Variants in SYNJ2 observed in about 807,000 individuals in gnomAD.
SYNJ2 encodes the protein synaptojanin 2.
Under a neutral mutation model 141.3 loss-of-function variants are expected in SYNJ2, and 116 were observed. That is an observed-to-expected ratio of 0.82 (90% confidence interval 0.71 to 0.96). The LOEUF is 0.96. Ranked by LOEUF, SYNJ2 falls within the 40% of genes least tolerant of loss-of-function variation. The pLI is 0.00. For synonymous variants in SYNJ2, 745 were observed against 777.7 expected (o/e 0.96, Z 0.70); for missense variants, 1,873 against 1,934.8 (o/e 0.97, Z 0.60).
rs748366346 is a variant in SYNJ2, at chr6:158,084,767, G to A, written c.3208+593G>A. The stretch of plus-strand genomic sequence containing the variant: ...GCAGAGGCTGCAATGAGCCGAGATC[G>A]CCCCACTGCACTCCAGCTTGGGTGA... On this transcript the variant is annotated intron_variant, in intron 22 of 26. Transcript: ENST00000355585. This position sits in a 1 kb window ranked among gnomAD's most constrained non-coding sequence, Gnocchi z 5.0. 7.2e-5 allele frequency among the ~76,000 whole-genome samples: 11 copies of A among 152,002 alleles called. No individual in the cohort carries two copies. Among genetic ancestry groups the A allele is most frequent in the Non-Finnish European group, 1.3e-4 (9 of 68,016 alleles).
chr6:158,017,777 T>C (rs1236101669), intron 2 of SYNJ2: 1 of 532,624 alleles, frequency 1.9e-6, no homozygotes, highest in Admixed American at 1.9e-5. Flanking sequence ...TGCAGGAACC[T>C]GCAGGTGGGG....
intron 18 of SYNJ2, 50 bp from the exon 19 acceptor site, chr6:158,081,059 T>C (rs546975075): frequency 3.2e-6 from 5 of 1,569,250 alleles, no homozygotes; most frequent in Middle Eastern, 2.2e-4. Flanking sequence ...GCCGGGGGTG[T>C]GGACATCTGT....
chr6:158,017,876 C>T, intron 2 of SYNJ2: 1 of 464,388 alleles, frequency 2.2e-6, no homozygotes, highest in East Asian at 6.4e-5. Flanking sequence ...GCCAGAGAAG[C>T]TCGTCTTCAT....
intron 20 of SYNJ2, 30 bp from the exon 21 acceptor site, chr6:158,083,399 T>A (rs1782826654): frequency 6.2e-7 from 1 of 1,605,696 alleles, no homozygotes; most frequent in Admixed American, 1.7e-5. Context: ...GATTTTTATT[T>A]ATTCCTGGGT....
chr6:157,984,652 C>T (rs1777132418), intron 1 of SYNJ2, among the ~76,000 whole-genome samples: 1 of 152,238 alleles, frequency 6.6e-6, no homozygotes, highest in Non-Finnish European at 1.5e-5. Context: ...GATCCACCTG[C>T]TTTGGCCTCC....
intron 3 of SYNJ2, among the ~76,000 whole-genome samples, chr6:158,032,210 C>T (rs1366688501): frequency 1.3e-5 from 2 of 151,976 alleles, no homozygotes; most frequent in Non-Finnish European, 2.9e-5. Flanking sequence ...GTGCATGTGG[C>T]TTTGGTCACA....
chr6:158,015,749 G>T (rs758557129), intron 1 of SYNJ2, among the ~76,000 whole-genome samples: 9 of 152,100 alleles, frequency 5.9e-5, no homozygotes, highest in Non-Finnish European at 1.0e-4. Context: ...ATGCTGATAA[G>T]GCACATATAT....
In SYNJ2 at chr6:158,097,516, C is replaced by T. The variant is rs1179142147; in HGVS notation, c.*1152C>T. 1.3e-5 allele frequency: 2 copies of T among 152,182 alleles called. No homozygotes were observed. Among genetic ancestry groups the T allele is most frequent in the African/African-American group, 4.8e-5 (2 of 41,430 alleles). 9.4% of individuals were successfully genotyped at this position (152,182 alleles called of 1,614,324 possible). On this transcript the variant is annotated 3_prime_UTR_variant, in exon 27 of 27. Transcript: ENST00000355585. ...CCATTTGGAGCAGATACCGTGTTTT[C>T]GCTATTTAATAAGAAGTTCAGTAGT...
At chr6:158,054,119 A>T (rs1217742995) in intron 5 of SYNJ2, among the ~76,000 whole-genome samples, 1 of 148,668 alleles carries the variant, frequency 6.7e-6, no homozygotes, top group East Asian at 2.0e-4. Flanking sequence ...CTATCCATCC[A>T]CTCACCCACC....
In SYNJ2 at chr6:158,074,743, G is replaced by A. The variant is rs1782158086; in HGVS notation, c.2292+5G>A. On this transcript the variant is annotated splice_donor_5th_base_variant and intron_variant, in intron 16 of 26. Transcript: ENST00000355585. ...CTACAGAAATCAAGTGGAAAAGTAA[G>A]TTGTGCTTTAAAAACATTTTTTAGC... is the stretch of plus-strand genomic sequence containing the variant. The A allele has an allele frequency of 6.2e-7, 1 of 1,611,326 alleles. No individual in the cohort carries two copies. Among genetic ancestry groups the A allele is most frequent in the East Asian group, 2.2e-5 (1 of 44,880 alleles).
intron 2 of SYNJ2, among the ~76,000 whole-genome samples, chr6:158,026,691 G>A (rs1024010664): frequency 1.3e-5 from 2 of 152,234 alleles, no homozygotes; most frequent in African/African-American, 4.8e-5. Context: ...TGAGGAAGTG[G>A]TGCTAGAAAT....
chr6:158,064,761 G>A lies in SYNJ2; in HGVS notation c.1359+11G>A, dbSNP rs369574409. 2.9e-5 allele frequency: 46 copies of A among 1,613,024 alleles called. No homozygotes were observed. The highest frequency in any genetic ancestry group is 6.7e-5 in the East Asian group (3 of 44,858). Reference sequence around the variant, plus strand: ...GAAGGGAAGGCCAAGGTAGGGCCCCGCCGAGGGGGCAGGGTGGGGGCCCCA... The same window carrying A: ...GAAGGGAAGGCCAAGGTAGGGCCCCACCGAGGGGGCAGGGTGGGGGCCCCA... On this transcript the variant is annotated intron_variant, in intron 10 of 26. Coordinates refer to ENST00000355585, the MANE Select transcript of SYNJ2 (RefSeq NM_003898.4).
chr6:158,044,233 C>A lies in SYNJ2; in HGVS notation c.795+834C>A, dbSNP rs370144582. ...TACTGGGGCCCAGAGTGCCATCTGC[C>A]AGGTTCCAGGGGGTGTTTGACAACG... On this transcript the variant is annotated intron_variant, in intron 5 of 26. Coordinates refer to ENST00000355585, the MANE Select transcript of SYNJ2 (RefSeq NM_003898.4). 9.2e-5 allele frequency among the ~76,000 whole-genome samples: 14 copies of A among 152,354 alleles called. No individual in the cohort carries two copies. In the East Asian group the frequency reaches 1.5e-3, roughly 17 times the overall value.
rs1421067973 is a variant in SYNJ2, at chr6:157,982,205, G to A, written c.127+117G>A. 2 of 1,211,116 alleles carry A rather than the reference G, an allele frequency of 1.7e-6. No individual in the cohort carries two copies. Among genetic ancestry groups the A allele is most frequent in the Non-Finnish European group, 2.1e-6 (2 of 964,546 alleles). 75.0% of individuals were successfully genotyped at this position (1,211,116 alleles called of 1,614,324 possible). ...GATCGGGCGGCGCTGGGACTGCCGG[G>A]GCGTAGGGGTCGCGCGCAGAGGGGT... On this transcript the variant is annotated intron_variant, in intron 1 of 26. Transcript: ENST00000355585. This position sits in a 1 kb window ranked among gnomAD's most constrained non-coding sequence, Gnocchi z 4.0.
rs542762661 is a variant in SYNJ2, at chr6:158,016,334, G to A, written c.128-870G>A. On this transcript the variant is annotated intron_variant, in intron 1 of 26. Transcript: ENST00000355585. ...CCGCCACGTTGCCCAGGCTGGTCTC[G>A]AACTTCTGACCTCAGGTGATCCGCC... Among the ~76,000 whole-genome samples the A allele has an allele frequency of 1.1e-4, 16 of 152,218 alleles. No individual in the cohort carries two copies. In the Middle Eastern group the frequency reaches 0.01, roughly 97 times the overall value.
In SYNJ2 at chr6:158,063,806, T is replaced by C. The variant is rs140533208; in HGVS notation, c.1143T>C (p.Thr381=). Residue 381 remains threonine, a synonymous_variant, in exon 9 of 27, where the codon ACT becomes ACC. Coordinates refer to ENST00000355585, the MANE Select transcript of SYNJ2 (RefSeq NM_003898.4). ...ENVSPRFQKG[T]LRMNCLDCLD... is the part of the protein sequence containing the mutation. Reference sequence around the variant, plus strand: ...TTGTCCTAAGTTTTCAGAAAGGCACTTTGCGGATGAACTGTCTTGACTGCC... The same window carrying C: ...TTGTCCTAAGTTTTCAGAAAGGCACCTTGCGGATGAACTGTCTTGACTGCC... The C allele has an allele frequency of 5.0e-6, 8 of 1,613,244 alleles. No homozygotes were observed. Among genetic ancestry groups the C allele is most frequent in the Admixed American group, 1.7e-5 (1 of 59,982 alleles).
chr6:158,086,955 G>A lies in SYNJ2; in HGVS notation c.3309G>A (p.Arg1103=), dbSNP rs1783082889. 2.5e-6 allele frequency: 4 copies of A among 1,602,972 alleles called. No homozygotes were observed. The highest frequency in any genetic ancestry group is 1.7e-5 in the Admixed American group (1 of 59,916). ...SRSLSVPNRP[R]PPQPPQRPPP... Reference sequence around the variant, plus strand: ...CTCTGTCGGTCCCCAACCGGCCTCGGCCACCTCAACCCCCGCAGAGACCCC... The same window carrying A: ...CTCTGTCGGTCCCCAACCGGCCTCGACCACCTCAACCCCCGCAGAGACCCC... Residue 1103 remains arginine (R), a synonymous_variant, in exon 23 of 27, where the codon CGG becomes CGA. Coordinates refer to ENST00000355585, the MANE Select transcript of SYNJ2 (RefSeq NM_003898.4).
intron 1 of SYNJ2, among the ~76,000 whole-genome samples, chr6:158,000,474 TAG>T (rs1777803800): frequency 6.6e-6 from 1 of 152,176 alleles, no homozygotes; most frequent in Non-Finnish European, 1.5e-5. Context: ...GGCCGTCTCA[TAG>T]CCCCTCTAAC....
At position 158,081,469 on chromosome 6, in the gene SYNJ2, A is replaced by C; in HGVS notation, c.2824A>C (p.Ser942Arg). The C allele has an allele frequency of 1.2e-6, 2 of 1,613,992 alleles. No individual in the cohort carries two copies. The highest frequency in any genetic ancestry group is 1.7e-6 in the Non-Finnish European group (2 of 1,180,000). ...GCAGATGCTGGTAACTTTTGCAGACAGTCACTCGGCTCTCAGTGTCCTGGA... is the reference window on the plus strand; with the variant it reads ...GCAGATGCTGGTAACTTTTGCAGACCGTCACTCGGCTCTCAGTGTCCTGGA... ...QGQMLVTFAD[S>R]HSALSVLDVD... Residue 942 changes from serine to arginine, a missense_variant, in exon 20 of 27, where the codon AGT becomes CGT. Transcript: ENST00000355585.
Sources: allele counts gnomAD v4.1 joint callset (sites outside exome capture counted in the v4.1 genomes callset), GRCh38; gene constraint gnomAD v4.1.1; non-coding constraint Gnocchi (gnomAD v3.1); transcripts MANE v1.5; gene names NCBI Gene and HGNC (gene_info 2026-07-23, HGNC 2026-07-21).